The following TSPAN32 variants were observed in gnomAD, a reference collection of about 807,000 sequenced individuals.
TSPAN32 encodes the protein tetraspanin 32, also known as tetraspanin-32.
TSPAN32 carries 47 observed loss-of-function variants against 42.7 expected under a neutral mutation model. The observed-to-expected ratio is 1.10, with a 90% confidence interval of 0.87 to 1.40. The LOEUF is 1.40. TSPAN32 is among the 40% of genes most tolerant of loss of function. TSPAN32 has a pLI of 0.00. For synonymous variants in TSPAN32, 175 were observed against 175.9 expected, an observed-to-expected ratio of 0.99 and a Z score of 0.04; for missense variants, 469 against 424.1, an observed-to-expected ratio of 1.11 and a Z score of -0.93.
chr11:2,307,981 T>C (rs748066421), intron 3 of TSPAN32, among the ~76,000 whole-genome samples: 1 of 152,034 alleles, frequency 6.6e-6, no homozygotes, highest in African/African-American at 2.4e-5. Context: ...AAACAGAAGA[T>C]CCTACAGCCC....
At chr11:2,315,127 C>A in intron 6 of TSPAN32, 2 of 606,504 alleles carry the variant, frequency 3.3e-6, no homozygotes, top group South Asian at 2.3e-5. Context: ...AGAGACTGGG[C>A]CCTCCTCTCT....
Position 2,304,710 on chromosome 11 carries a change from G to T in TSPAN32, c.279+506G>T, listed in dbSNP as rs796154319. 3.2e-4 allele frequency among the ~76,000 whole-genome samples: 48 copies of T among 152,164 alleles called. 1 individual carries two copies. The highest frequency in any genetic ancestry group is 1.1e-3 in the African/African-American group (47 of 41,506). ...ACACTCTCCTTCCCAGCTGCCGGAGGTGTCTCCCCAGCCCCGAGGTCCCAT... is the reference window on the plus strand; with the variant it reads ...ACACTCTCCTTCCCAGCTGCCGGAGTTGTCTCCCCAGCCCCGAGGTCCCAT... On this transcript the variant is annotated intron_variant, in intron 3 of 9. Coordinates refer to ENST00000182290, the MANE Select transcript of TSPAN32 (RefSeq NM_139022.3). The surrounding 1 kb of genome is among the most constrained non-coding windows in gnomAD (Gnocchi z 4.8).
intron 2 of TSPAN32, 163 bp downstream of exon 2, chr11:2,303,121 C>A: frequency 1.6e-6 from 1 of 613,830 alleles, no homozygotes; most frequent in Non-Finnish European, 2.8e-6. Context: ...CCTAGCTCCC[C>A]TGGGCAGGGC....
In TSPAN32 at chr11:2,317,726, C is replaced by T. The variant is rs1295477769; in HGVS notation, c.902-137C>T. On this transcript the variant is annotated intron_variant, in intron 9 of 9. Transcript: ENST00000182290. This position sits in a 1 kb window ranked among gnomAD's most constrained non-coding sequence, Gnocchi z 6.2. Reference sequence around the variant, plus strand: ...GGAAACCACACTGGAGGCAGCAGCCCAGGGCAGACTGCAAGACACTGGTGG... The same window carrying T: ...GGAAACCACACTGGAGGCAGCAGCCTAGGGCAGACTGCAAGACACTGGTGG... 2.0e-6 allele frequency: 3 copies of T among 1,511,558 alleles called. No homozygotes were observed. Among genetic ancestry groups the T allele is most frequent in the Non-Finnish European group, 1.8e-6 (2 of 1,139,178 alleles). The allele number at this position is 1,511,558 out of a possible 1,614,324, so 93.6% of individuals were successfully genotyped here. A position where few individuals can be genotyped will look rare whatever the true frequency, so the allele number is the denominator to read the frequency against.
At chr11:2,311,438 G>T (rs1848453265) in intron 4 of TSPAN32, among the ~76,000 whole-genome samples, 1 of 152,172 alleles carries the variant, frequency 6.6e-6, no homozygotes, top group Non-Finnish European at 1.5e-5. Flanking sequence ...GCCCTGACGA[G>T]TCTGCTTCGG....
At chr11:2,308,989 C>T (rs1848305287) in intron 4 of TSPAN32, among the ~76,000 whole-genome samples, 179 bp downstream of exon 4, 1 of 151,964 alleles carries the variant, frequency 6.6e-6, no homozygotes, top group Non-Finnish European at 1.5e-5. Context: ...GGAGGCCAAG[C>T]GCTGGAGGTG....
rs1050806654 is a variant in TSPAN32 at position 2,302,957 on chromosome 11, G to A, written c.180G>A (p.Trp60Ter). The A allele has an allele frequency of 1.9e-6, 3 of 1,612,758 alleles. No homozygotes were observed. The African/African-American group carries it at 4.0e-5, about 22-fold the overall frequency. ...ACCCGTACCAGGCTGTGCACCAATG[G>A]GGTAAGTGAGGTCCAGGCCTGGCTG... ...EKNPYQAVHQ[W>*]AFSAGLSLVG... Residue 60 changes from tryptophan (W) to a stop codon, truncating the protein, a stop_gained and splice_region_variant, in exon 2 of 10, where the codon TGG (tryptophan) becomes TGA (stop). Coordinates refer to ENST00000182290, the MANE Select transcript of TSPAN32 (RefSeq NM_139022.3). LOFTEE classifies it high-confidence loss of function.
intron 3 of TSPAN32, among the ~76,000 whole-genome samples, chr11:2,308,364 C>A (rs1169261132): frequency 6.6e-6 from 1 of 151,844 alleles, no homozygotes; most frequent in East Asian, 1.9e-4. Flanking sequence ...CCTGCCAGGC[C>A]CCACCAGGCC....
intron 6 of TSPAN32, chr11:2,315,074 C>A (rs916699386): frequency 1.9e-5 from 6 of 322,808 alleles, no homozygotes; most frequent in Non-Finnish European, 3.2e-5. Flanking sequence ...AACAACAGAG[C>A]GGGGCCCGAG....
At chr11:2,305,376 C>CCCCT in intron 3 of TSPAN32, among the ~76,000 whole-genome samples, 1 of 150,436 alleles carries the variant, frequency 6.6e-6, no homozygotes, top group South Asian at 2.1e-4. Context: ...GTCTGCCCCC[C>CCCCT]CCCCCAGAGG....
At chr11:2,307,037 G>T in intron 3 of TSPAN32, 1 of 154,290 alleles carries the variant, frequency 6.5e-6, no homozygotes, top group South Asian at 1.9e-4. Context: ...GGAGGAAGAG[G>T]AGGAAGGAGG....
rs953244904 is a variant in TSPAN32 at position 2,304,340 on chromosome 11, C to T, written c.279+136C>T. 30 of 641,214 alleles carry T rather than the reference C, an allele frequency of 4.7e-5. No individual in the cohort carries two copies. The highest frequency in any genetic ancestry group is 2.6e-4 in the African/African-American group (14 of 53,426). The allele number at this position is 641,214 out of a possible 1,614,324, so 39.7% of individuals were successfully genotyped here. Reference sequence around the variant, plus strand: ...AGAGGCCCCAGGGATGCTGGCCAGCCGAGACCCCCACGTCAACCCCACACC... The same window carrying T: ...AGAGGCCCCAGGGATGCTGGCCAGCTGAGACCCCCACGTCAACCCCACACC... On this transcript the variant is annotated intron_variant, in intron 3 of 9. Transcript: ENST00000182290. The surrounding 1 kb of genome is among the most constrained non-coding windows in gnomAD (Gnocchi z 4.8).
chr11:2,307,224 C>T (rs892204153), intron 3 of TSPAN32, among the ~76,000 whole-genome samples: 4 of 152,188 alleles, frequency 2.6e-5, no homozygotes, highest in African/African-American at 4.8e-5. Flanking sequence ...GCTCTTTCCA[C>T]GCCCCTCTGG....
At position 2,315,726 on chromosome 11, in the gene TSPAN32, T is replaced by TGCCTCTGG. The variant is rs1848746449; in HGVS notation, c.544-501_544-494dup. The TGCCTCTGG allele has an allele frequency of 4.1e-6, 5 of 1,213,828 alleles. 1 individual carries two copies. The South Asian group carries it at 4.3e-5, about 11-fold the overall frequency. 75.2% of individuals were successfully genotyped at this position (1,213,828 alleles called of 1,614,324 possible). ...CTGCCACCTCCCTTTTCTGAAAAGA[T>TGCCTCTGG]GCCTCTGGGTGCCATGCCCTGGGGT... On this transcript the variant is annotated intron_variant, in intron 6 of 9. Coordinates refer to ENST00000182290, the MANE Select transcript of TSPAN32 (RefSeq NM_139022.3).
At chr11:2,305,295 C>T (rs943035017) in intron 3 of TSPAN32, among the ~76,000 whole-genome samples, 3 of 151,950 alleles carry the variant, frequency 2.0e-5, no homozygotes, top group Non-Finnish European at 4.4e-5. Flanking sequence ...TGGGCAGGGA[C>T]AACCCCGGCC....
Position 2,315,160 on chromosome 11 carries a change from T to A in TSPAN32, c.543+589T>A. On this transcript the variant is annotated intron_variant, in intron 6 of 9. Coordinates refer to ENST00000182290, the MANE Select transcript of TSPAN32 (RefSeq NM_139022.3). ...TCTTTCTCCTGGTGCCCGGCAGCCC[T>A]CCCCCAGCCCACCCTGCCCCCTCCC... The A allele has an allele frequency of 9.4e-5, 61 of 646,402 alleles. 1 individual carries two copies. The highest frequency in any genetic ancestry group is 1.1e-4 in the South Asian group (5 of 43,972). The allele number at this position is 646,402 out of a possible 1,614,324, so 40.0% of individuals were successfully genotyped here. A position where few individuals can be genotyped will look rare whatever the true frequency, so the allele number is the denominator to read the frequency against.
intron 3 of TSPAN32, among the ~76,000 whole-genome samples, chr11:2,308,346 T>C (rs901065298): frequency 1.3e-5 from 2 of 151,718 alleles, no homozygotes; most frequent in Admixed American, 6.6e-5. Flanking sequence ...GGCACTGCCC[T>C]GCCCAGGCCT....
chr11:2,317,641 C>T lies in TSPAN32; in HGVS notation c.901+116C>T. 6.7e-7 allele frequency: 1 copy of T among 1,486,796 alleles called. No individual in the cohort carries two copies. The highest frequency in any genetic ancestry group is 2.5e-5 in the East Asian group (1 of 40,494). The allele number at this position is 1,486,796 out of a possible 1,614,324, so 92.1% of individuals were successfully genotyped here. ...AGCCAGGCTCCATTGGGAACAGATG[C>T]AAGGGTAAGGGGTAGCTCACCAAAT... On this transcript the variant is annotated intron_variant, in intron 9 of 9. Coordinates refer to ENST00000182290, the MANE Select transcript of TSPAN32 (RefSeq NM_139022.3). The surrounding 1 kb of genome is among the most constrained non-coding windows in gnomAD (Gnocchi z 6.2).
At chr11:2,305,274 G>A (rs1473875442) in intron 3 of TSPAN32, among the ~76,000 whole-genome samples, 1 of 152,162 alleles carries the variant, frequency 6.6e-6, no homozygotes. Context: ...CTGCTCCGGG[G>A]CACACGAGCA....
Sources: allele counts gnomAD v4.1 joint callset (sites outside exome capture counted in the v4.1 genomes callset), GRCh38; gene constraint gnomAD v4.1.1; non-coding constraint Gnocchi (gnomAD v3.1); transcripts MANE v1.5; gene names NCBI Gene and HGNC (gene_info 2026-07-23, HGNC 2026-07-21).